The following HDAC7 variants were observed in gnomAD, a reference collection of about 807,000 sequenced individuals.
HDAC7 encodes the protein histone deacetylase 7, also known as histone deacetylase 7A.
In HDAC7, 26 loss-of-function variants were observed where a neutral mutation model predicts 115.5. The ratio of observed to expected loss-of-function variants is 0.23; its 90% CI spans 0.16 to 0.31. The LOEUF is 0.31. HDAC7 is among the 10% of genes least tolerant of loss of function. The pLI is 1.00. For missense variants in HDAC7, 1,068 were observed against 1,329.0 expected (o/e 0.80, Z 3.05); for synonymous variants, 564 against 550.9 (o/e 1.02, Z -0.33).
chr12:47,797,028 T>G lies in HDAC7; in HGVS notation c.692A>C (p.Glu231Ala). 1 of 1,564,934 alleles carries G rather than the reference T, an allele frequency of 6.4e-7. No homozygotes were observed. The highest frequency in any genetic ancestry group is 8.6e-7 in the Non-Finnish European group (1 of 1,159,102). Residue 231 changes from glutamate (E) to alanine (A), a missense_variant, in exon 7 of 26, where the codon GAG (glutamate) becomes GCG (alanine). Glu to Ala is a moderately radical substitution (Grantham distance 107). Coordinates refer to ENST00000080059, the MANE Select transcript of HDAC7 (RefSeq NM_015401.5). This position sits in a 1 kb window ranked among gnomAD's most constrained non-coding sequence, Gnocchi z 5.5. ...APPSLRRRPA[E>A]TLGDSSPSSS... ...CAGCCGGCCCTCACCTCCGAGGGTC[T>G]CTGCGGGCCGCCGCCGGAGGCTGGG...
Position 47,789,890 on chromosome 12 carries a change from G to A in HDAC7, c.2014C>T (p.His672Tyr). 1.2e-6 allele frequency: 2 copies of A among 1,613,790 alleles called. No homozygotes were observed. The highest frequency in any genetic ancestry group is 1.7e-6 in the Non-Finnish European group (2 of 1,179,972). The change falls in exon 17 of 26, where the codon CAT (histidine) becomes TAT (tyrosine). Residue 672 changes from histidine to tyrosine, a missense_variant. This residue lies in a region of HDAC7 where 182 missense variants were observed against 301.1 expected (regional missense o/e 0.60). Transcript: ENST00000080059. ...VDTDTIWNEL[H>Y]SSNAARWAAG... ...GCCCAGCGGGCTGCATTGGAGGAAT[G>A]AAGCTCATTCCAGATGGTGTCAGTG... is the stretch of plus-strand genomic sequence containing the variant.
At chr12:47,789,190 T>C in intron 19 of HDAC7, 71 bp downstream of exon 19, 1 of 1,166,284 alleles carries the variant, frequency 8.6e-7, no homozygotes. Context: ...TGAAGCCGCA[T>C]CTCTAACATC....
intron 2 of HDAC7, 130 bp downstream of exon 2, chr12:47,802,094 A>ACC (rs1165671113): frequency 1.0e-6 from 1 of 971,146 alleles, no homozygotes; most frequent in Non-Finnish European, 1.5e-6. Flanking sequence ...TGGAGCCGCC[A>ACC]CCTCCTGGCT....
At position 47,797,895 on chromosome 12, in the gene HDAC7, T is replaced by TGAGA. The variant is rs1555141439; in HGVS notation, c.461+209_461+212dup. ...GTGTGTGTGTGTGTGTGTGTGTGTG[T>TGAGA]GAGAAGGGCTCAGGTGGGGTGGGGA... On this transcript the variant is annotated intron_variant, in intron 5 of 25. Transcript: ENST00000080059. The surrounding 1 kb of genome is among the most constrained non-coding windows in gnomAD (Gnocchi z 5.5). Among the ~76,000 whole-genome samples the TGAGA allele has an allele frequency of 1.4e-5, 2 of 143,356 alleles. No homozygotes were observed. Among genetic ancestry groups the TGAGA allele is most frequent in the African/African-American group, 2.7e-5 (1 of 36,396 alleles). The allele number at this position is 143,356 out of a possible 152,430, so 94.0% of individuals were successfully genotyped here. A position where few individuals can be genotyped will look rare whatever the true frequency, so the allele number is the denominator to read the frequency against.
rs148068460 is a variant in HDAC7, at chr12:47,806,300, C to T, written c.20-4026G>A. On this transcript the variant is annotated intron_variant, in intron 1 of 25. Coordinates refer to ENST00000080059, the MANE Select transcript of HDAC7 (RefSeq NM_015401.5). ...GTCAGATGGGCCTGGGTTTAAGCCC[C>T]GACTCCCTCGGTGACTGGCAAAGCA... Among the ~76,000 whole-genome samples, 246 of 152,324 alleles carry T rather than the reference C, an allele frequency of 1.6e-3. 1 individual carries two copies. The highest frequency in any genetic ancestry group is 5.3e-3 in the African/African-American group (220 of 41,576).
chr12:47,797,277 G>T lies in HDAC7; in HGVS notation c.577+107C>A. 1 of 1,546,782 alleles carries T rather than the reference G, an allele frequency of 6.5e-7. No individual in the cohort carries two copies. Among genetic ancestry groups the T allele is most frequent in the Non-Finnish European group, 8.9e-7 (1 of 1,128,096 alleles). On this transcript the variant is annotated intron_variant, in intron 6 of 25. Transcript: ENST00000080059. This position sits in a 1 kb window ranked among gnomAD's most constrained non-coding sequence, Gnocchi z 5.5. Reference sequence around the variant, plus strand: ...AGAAAGAAGATCCTAGCCTACCGATGATCTCCTGGCCCAGCCCAGCCCGCC... The same window carrying T: ...AGAAAGAAGATCCTAGCCTACCGATTATCTCCTGGCCCAGCCCAGCCCGCC...
At chr12:47,815,706 G>A (rs1286285775) in intron 1 of HDAC7, among the ~76,000 whole-genome samples, 1 of 152,058 alleles carries the variant, frequency 6.6e-6, no homozygotes, top group Admixed American at 6.5e-5. Context: ...CCACCTCCTG[G>A]GCTCAAGCAA....
At chr12:47,786,978 T>TGA (rs551342820) in intron 21 of HDAC7, among the ~76,000 whole-genome samples, 140 of 152,312 alleles carry the variant, frequency 9.2e-4, no homozygotes, top group African/African-American at 3.3e-3. Context: ...GGAGTGTGTG[T>TGA]GACCATGTGT....
intron 16 of HDAC7, chr12:47,790,455 C>T (rs995964209): frequency 1.9e-4 from 30 of 157,280 alleles, no homozygotes; most frequent in Non-Finnish European, 3.7e-4. Flanking sequence ...CAGAGAGAGT[C>T]GCAAGAGGCT....
At chr12:47,790,947 G>T (rs73107967) in intron 16 of HDAC7, 178,986 of 472,178 alleles carry the variant, frequency 0.38, 39,472 homozygotes, top group Non-Finnish European at 0.46. Context: ...CAGTCATGGG[G>T]GTCTTTGAAG....
rs750793586 is a variant in HDAC7, at chr12:47,785,435, G to A, written c.2743C>T (p.Pro915Ser). 6.2e-7 allele frequency: 1 copy of A among 1,613,160 alleles called. No individual in the cohort carries two copies. Among genetic ancestry groups the A allele is most frequent in the African/African-American group, 1.3e-5 (1 of 74,962 alleles). Residue 915 changes from proline (P) to serine (S), a missense_variant, in exon 24 of 26, where the codon CCC becomes TCC. Around this residue, in one of 6 missense-constraint regions of HDAC7, gnomAD observed 98 missense variants for 123.9 expected, o/e 0.79. Transcript: ENST00000080059. ...AGAGAGCGGATGGCATTGAGGTTGG[G>A]TTTCTGTTTCCAGCCTTCTTCTGAA... is the stretch of plus-strand genomic sequence containing the variant. ...PLSEEGWKQK[P>S]NLNAIRSLEA...
chr12:47,810,958 T>G (rs1944637357), intron 1 of HDAC7, among the ~76,000 whole-genome samples: 1 of 152,018 alleles, frequency 6.6e-6, no homozygotes, highest in South Asian at 2.1e-4. Flanking sequence ...TTCTGGGGAC[T>G]AGGAACACAG....
At position 47,791,312 on chromosome 12, in the gene HDAC7, C is replaced by T. The variant is rs1261025772; in HGVS notation, c.1934-4G>A. ...AACATCCGCTGTGCCAGGAGCCCTG[C>T]GGGGAGAGGCCCAGCCCACGTCAGC... is the stretch of plus-strand genomic sequence containing the variant. On this transcript the variant is annotated splice_polypyrimidine_tract_variant and splice_region_variant and intron_variant, in intron 15 of 25. Coordinates refer to ENST00000080059, the MANE Select transcript of HDAC7 (RefSeq NM_015401.5). 40 of 1,586,024 alleles carry T rather than the reference C, an allele frequency of 2.5e-5. No homozygotes were observed. Among genetic ancestry groups the T allele is most frequent in the Middle Eastern group, 1.7e-4 (1 of 6,010 alleles).
chr12:47,810,097 C>A (rs749212623), intron 1 of HDAC7, among the ~76,000 whole-genome samples: 2 of 152,154 alleles, frequency 1.3e-5, no homozygotes, highest in African/African-American at 4.8e-5. Flanking sequence ...CAGGTGCAAG[C>A]CACCATGCCC....
chr12:47,796,590 A>G (rs1327661534), intron 7 of HDAC7, among the ~76,000 whole-genome samples: 1 of 151,732 alleles, frequency 6.6e-6, no homozygotes, highest in Non-Finnish European at 1.5e-5. Flanking sequence ...TGCCTGGCTA[A>G]TTTTTGTATT....
At position 47,789,366 on chromosome 12, in the gene HDAC7, T is replaced by A; in HGVS notation, c.2148-18A>T. ...AGAAGCCCCTGGAAGGAGAGACAGG[T>A]CCTGCCAGCCCATTCTCTCCACATG... On this transcript the variant is annotated intron_variant, in intron 18 of 25. Coordinates refer to ENST00000080059, the MANE Select transcript of HDAC7 (RefSeq NM_015401.5). 6.2e-7 allele frequency: 1 copy of A among 1,609,192 alleles called. No homozygotes were observed. Among genetic ancestry groups the A allele is most frequent in the Non-Finnish European group, 8.5e-7 (1 of 1,175,964 alleles).
At chr12:47,820,110 C>T (rs1259808528), upstream of HDAC7, 1 of 151,030 alleles carries the variant, frequency 6.6e-6, no homozygotes, top group African/African-American at 2.4e-5. The surrounding 1 kb of genome is among the most constrained non-coding windows in gnomAD (Gnocchi z 4.3). Flanking sequence ...GCGGCCAGAT[C>T]GCGGCGGGGC....
chr12:47,813,242 A>G (rs567272449), intron 1 of HDAC7: 1 of 135,484 alleles, frequency 7.4e-6, no homozygotes, highest in Non-Finnish European at 1.6e-5. Flanking sequence ...TCATTCTGAG[A>G]GCAGTTCTAT....
chr12:47,787,948 G>C (rs902817739), intron 20 of HDAC7, 97 bp downstream of exon 20: 2 of 1,575,996 alleles, frequency 1.3e-6, no homozygotes, highest in Non-Finnish European at 1.7e-6. Flanking sequence ...AGGCTCAGCA[G>C]TCTGCCCAGG....
Sources: gnomAD v4.1 joint callset for allele counts (sites outside exome capture counted in the v4.1 genomes callset) on GRCh38, gnomAD v4.1.1 for gene constraint, gnomAD v4.1.1 regional missense constraint, Gnocchi (gnomAD v3.1) non-coding constraint, MANE v1.5 for transcripts, NCBI Gene and HGNC (gene_info 2026-07-23, HGNC 2026-07-21) for gene names.